ZBTB46: variants seen among roughly 807,000 people sequenced by gnomAD.
ZBTB46 encodes zinc finger and BTB domain containing 46, also known as zinc finger and BTB domain-containing protein 46.
A neutral mutation model predicts 44.1 loss-of-function variants in ZBTB46; 8 were observed. That is an observed-to-expected ratio of 0.18 (90% CI 0.11 to 0.33). ZBTB46 has a LOEUF of 0.33. Among genes scored for constraint, ZBTB46 ranks in the 10% least tolerant of loss-of-function variants. The pLI is 1.00. For missense variants in ZBTB46, 651 were observed against 847.7 expected (o/e 0.77, Z 2.88); for synonymous variants, 409 against 382.3 (o/e 1.07, Z -0.81).
Position 63,817,482 on chromosome 20 carries a change from A to G in ZBTB46, c.-34+13615T>C, listed in dbSNP as rs548174117. Among the ~76,000 whole-genome samples the G allele has an allele frequency of 2.6e-5, 4 of 152,118 alleles. No individual in the cohort carries two copies. The East Asian group carries it at 7.7e-4, about 29-fold the overall frequency. ...GTAATCCCAGCTCTTCAGGAGGCCA[A>G]GGTGGGCGGATCACCTGAGGTCAGG... On this transcript the variant is annotated intron_variant, in intron 1 of 4. Coordinates refer to ENST00000245663, the MANE Select transcript of ZBTB46 (RefSeq NM_001369741.1).
intron 3 of ZBTB46, chr20:63,769,385 T>C (rs1030545605): frequency 1.0e-6 from 1 of 985,276 alleles, no homozygotes; most frequent in Non-Finnish European, 1.2e-6. Flanking sequence ...ACCCAGGCCC[T>C]GGGAACACAG....
chr20:63,798,293 G>A (rs1219482816), intron 1 of ZBTB46, among the ~76,000 whole-genome samples: 1 of 152,120 alleles, frequency 6.6e-6, no homozygotes, highest in Admixed American at 6.6e-5. Flanking sequence ...GTTTGTCAAA[G>A]ATCAGATGGT....
intron 3 of ZBTB46, among the ~76,000 whole-genome samples, chr20:63,765,414 G>T (rs2092313143): frequency 6.6e-6 from 1 of 152,118 alleles, no homozygotes; most frequent in African/African-American, 2.4e-5. Flanking sequence ...CCCCTTCCCG[G>T]GTAGGTTATG....
At chr20:63,833,067 A>G (rs963096625), upstream of ZBTB46, among the ~76,000 whole-genome samples, 2 of 152,060 alleles carry the variant, frequency 1.3e-5, no homozygotes, top group African/African-American at 4.8e-5. Flanking sequence ...AGAGAACCCC[A>G]GTCTCTCCCA....
At chr20:63,771,384 A>G (rs2092370320) in intron 3 of ZBTB46, among the ~76,000 whole-genome samples, 1 of 151,892 alleles carries the variant, frequency 6.6e-6, no homozygotes, top group Non-Finnish European at 1.5e-5. Context: ...GACCCTCCAG[A>G]AGGAGGGGAG....
chr20:63,781,159 A>G (rs60172104), intron 2 of ZBTB46, among the ~76,000 whole-genome samples: 3 of 147,476 alleles, frequency 2.0e-5, no homozygotes, highest in African/African-American at 7.5e-5. Flanking sequence ...AAAAAAAAAA[A>G]AAAAGAAAGA....
intron 1 of ZBTB46, among the ~76,000 whole-genome samples, chr20:63,807,473 T>C (rs1470974979): frequency 1.3e-5 from 2 of 152,100 alleles, no homozygotes; most frequent in Non-Finnish European, 2.9e-5. Flanking sequence ...GCCTCCCCAG[T>C]ATCTCGGACT....
rs180775941 is a variant in ZBTB46 at position 63,761,984 on chromosome 20, C to T, written c.1223-9123G>A. Among the ~76,000 whole-genome samples the T allele has an allele frequency of 3.7e-4, 56 of 152,188 alleles. No homozygotes were observed. In the East Asian group the frequency reaches 0.01, roughly 28 times the overall value. On this transcript the variant is annotated intron_variant, in intron 3 of 4. Coordinates refer to ENST00000245663, the MANE Select transcript of ZBTB46 (RefSeq NM_001369741.1). Reference sequence around the variant, plus strand: ...GATATTTGTTGAACCTGAATTATGGCCCTGGTTGGTCTATTTTGGTAAATG... The same window carrying T: ...GATATTTGTTGAACCTGAATTATGGTCCTGGTTGGTCTATTTTGGTAAATG...
At chr20:63,773,392 G>T (rs62217849) in intron 3 of ZBTB46, among the ~76,000 whole-genome samples, 41,207 of 151,844 alleles carry the variant, frequency 0.27, 5,909 homozygotes, top group African/African-American at 0.37. Context: ...CCATCATGCT[G>T]GGCTAACTTC....
chr20:63,777,611 C>G (rs1274266166), intron 2 of ZBTB46, among the ~76,000 whole-genome samples: 1 of 152,206 alleles, frequency 6.6e-6, no homozygotes, highest in Non-Finnish European at 1.5e-5. Context: ...CAGGAATCAC[C>G]ACGGGGCCCA....
rs375138743 is a variant in ZBTB46 at position 63,788,637 on chromosome 20, G to A, written c.937+1184C>T. Among the ~76,000 whole-genome samples the A allele has an allele frequency of 2.1e-4, 32 of 152,042 alleles. No homozygotes were observed. The East Asian group carries it at 3.0e-3, about 14-fold the overall frequency. On this transcript the variant is annotated intron_variant, in intron 2 of 4. Transcript: ENST00000245663. ...GTGGATCACCTGAAGTCAGGAGTTC[G>A]AGACCATCCTGGCCAACATGGTGAA...
chr20:63,775,715 C>T lies in ZBTB46; in HGVS notation c.1185G>A (p.Leu395=), dbSNP rs182757886. 9 of 1,604,358 alleles carry T rather than the reference C, an allele frequency of 5.6e-6. No individual in the cohort carries two copies. The African/African-American group carries it at 6.7e-5, about 12-fold the overall frequency. ...ADVLGDDGSL[L]FEYLPRGAHS... The stretch of plus-strand genomic sequence containing the variant: ...GGGCCCCTCTGGGCAGGTACTCGAA[C>T]AGCAGGGAGCCGTCATCCCCCAGCA... Residue 395 remains leucine (L), a synonymous_variant, in exon 3 of 5, where the codon CTG becomes CTA. Coordinates refer to ENST00000245663, the MANE Select transcript of ZBTB46 (RefSeq NM_001369741.1).
upstream of ZBTB46, among the ~76,000 whole-genome samples, chr20:63,832,215 T>C (rs1389307051): frequency 6.6e-6 from 1 of 152,094 alleles, no homozygotes; most frequent in Non-Finnish European, 1.5e-5. The surrounding 1 kb of genome is among the most constrained non-coding windows in gnomAD (Gnocchi z 5.0). Context: ...TGCGCGTCGC[T>C]TCTCGCCTCC....
rs527307460 is a variant in ZBTB46, at chr20:63,762,677, C to A, written c.1223-9816G>T. On this transcript the variant is annotated intron_variant, in intron 3 of 4. Coordinates refer to ENST00000245663, the MANE Select transcript of ZBTB46 (RefSeq NM_001369741.1). ...AAAAACAAACAAACAAACAAACAAA[C>A]AAAAAAAAAACCAACTGAGCTGTTA... 6.8e-3 allele frequency among the ~76,000 whole-genome samples: 714 copies of A among 104,490 alleles called. 5 individuals are homozygous for A. Among genetic ancestry groups the A allele is most frequent in the South Asian group, 0.038 (110 of 2,904 alleles). 68.5% of individuals were successfully genotyped at this position (104,490 alleles called of 152,430 possible). A position where few individuals can be genotyped will look rare whatever the true frequency, so the allele number is the denominator to read the frequency against.
At chr20:63,802,511 A>G (rs1471828880) in intron 1 of ZBTB46, among the ~76,000 whole-genome samples, 2 of 152,090 alleles carry the variant, frequency 1.3e-5, no homozygotes, top group Non-Finnish European at 2.9e-5. Flanking sequence ...GTCGGCACAA[A>G]GCGGCAGCGG....
Position 63,752,537 on chromosome 20 carries a change from GGGCGGATCTCCCTGCC to G in ZBTB46, c.1398+133_1398+148del. On this transcript the variant is annotated intron_variant, in intron 4 of 4. Coordinates refer to ENST00000245663, the MANE Select transcript of ZBTB46 (RefSeq NM_001369741.1). This position sits in a 1 kb window ranked among gnomAD's most constrained non-coding sequence, Gnocchi z 5.6. ...CCGGGGCAGAGCAGACAGGGGCCCG[GGGCGGATCTCCCTGCC>G]CTGCTGTCGTCCCCCCTGTGCAGAG... 3.0e-6 allele frequency: 3 copies of G among 992,250 alleles called. No individual in the cohort carries two copies. Among genetic ancestry groups the G allele is most frequent in the Non-Finnish European group, 4.1e-6 (3 of 738,806 alleles). The allele number at this position is 992,250 out of a possible 1,614,324, so 61.5% of individuals were successfully genotyped here.
chr20:63,774,831 G>A lies in ZBTB46; in HGVS notation c.1222+847C>T, dbSNP rs559641333. On this transcript the variant is annotated intron_variant, in intron 3 of 4. Coordinates refer to ENST00000245663, the MANE Select transcript of ZBTB46 (RefSeq NM_001369741.1). ...CCATTCTCCTGCCTCAGTCTCCCGA[G>A]TAGCTGGGACTACAGGCGCCCGCCA... Among the ~76,000 whole-genome samples, 191 of 149,034 alleles carry A rather than the reference G, an allele frequency of 1.3e-3. 1 individual carries two copies. The highest frequency in any genetic ancestry group is 0.011 in the Middle Eastern group (3 of 284).
chr20:63,769,485 G>A, intron 3 of ZBTB46: 1 of 973,178 alleles, frequency 1.0e-6, no homozygotes, highest in Non-Finnish European at 1.2e-6. Flanking sequence ...GGCATGCGGT[G>A]TGAGCCCGGT....
Position 63,791,947 on chromosome 20 carries a change from G to T in ZBTB46, c.-33-1157C>A, listed in dbSNP as rs1000718288. Among the ~76,000 whole-genome samples the T allele has an allele frequency of 2.6e-4, 39 of 152,314 alleles. 1 individual carries two copies. The highest frequency in any genetic ancestry group is 2.0e-3 in the Admixed American group (30 of 15,302). On this transcript the variant is annotated intron_variant, in intron 1 of 4. Coordinates refer to ENST00000245663, the MANE Select transcript of ZBTB46 (RefSeq NM_001369741.1). ...AAACGTATTCTCAAGTCCAGAATCA[G>T]GATGTCGGCCGAGCTGGTGCCTGTT...
Sources: gnomAD v4.1 joint callset for allele counts (sites outside exome capture counted in the v4.1 genomes callset) on GRCh38, gnomAD v4.1.1 for gene constraint, Gnocchi (gnomAD v3.1) non-coding constraint, MANE v1.5 for transcripts, NCBI Gene and HGNC (gene_info 2026-07-23, HGNC 2026-07-21) for gene names.